The following NRXN3 variants were observed in gnomAD, a reference collection of about 807,000 sequenced individuals.
NRXN3 encodes the protein neurexin III.
A neutral mutation model predicts 137.6 loss-of-function variants in NRXN3; 32 were observed. That is an observed-to-expected ratio of 0.23 (90% CI 0.18 to 0.31). The LOEUF (loss-of-function observed/expected upper bound fraction) is 0.31, where lower values mean the gene tolerates loss of function less well. Among genes scored for constraint, NRXN3 ranks in the 10% least tolerant of loss-of-function variants. NRXN3 has a pLI of 1.00. For missense variants in NRXN3, 1,574 were observed against 2,062.5 expected, an observed-to-expected ratio of 0.76 and a Z score of 4.59; for synonymous variants, 798 against 784.5, an observed-to-expected ratio of 1.02 and a Z score of -0.29.
chr14:78,391,089 A>G lies in NRXN3; in HGVS notation c.757+93229A>G, dbSNP rs149072998. On this transcript the variant is annotated intron_variant, in intron 4 of 20. Transcript: ENST00000335750. ...AGGATAATGACTTCCAGCTTTATCC[A>G]TGTCCCTGCAAAGGACATGATCTCA... Among the ~76,000 whole-genome samples the G allele has an allele frequency of 7.9e-4, 120 of 152,310 alleles. 2 individuals carry two copies. Among genetic ancestry groups the G allele is most frequent in the African/African-American group, 2.7e-3 (114 of 41,578 alleles).
chr14:79,808,395 T>A (rs1456883595), intron 20 of NRXN3, among the ~76,000 whole-genome samples: 1 of 152,000 alleles, frequency 6.6e-6, no homozygotes. Context: ...CTACTGCCCA[T>A]GCAGCAACAG....
intron 19 of NRXN3, among the ~76,000 whole-genome samples, chr14:79,739,648 CAAA>C (rs72347811): frequency 0.021 from 662 of 31,732 alleles, 1 homozygote; most frequent in African/African-American, 0.073. Flanking sequence ...GACTCTGCCT[CAAA>C]AAAAAAAAAA....
At position 79,414,710 on chromosome 14, in the gene NRXN3, G is replaced by C. The variant is rs554142289; in HGVS notation, c.3263-52511G>C. Among the ~76,000 whole-genome samples the C allele has an allele frequency of 5.3e-5, 8 of 152,136 alleles. No individual in the cohort carries two copies. In the South Asian group the frequency reaches 1.7e-3, roughly 32 times the overall value. On this transcript the variant is annotated intron_variant, in intron 15 of 20. Transcript: ENST00000335750. ...ACATAGCTACCGTGTGTGTGTGTTT[G>C]TGTGTGTTAAGAATATTTCAGGTTC...
chr14:78,564,239 T>A (rs550292465), intron 4 of NRXN3, among the ~76,000 whole-genome samples: 1 of 152,310 alleles, frequency 6.6e-6, no homozygotes, highest in South Asian at 2.1e-4. Flanking sequence ...TGACTTAAAG[T>A]GAACATCTTT....
chr14:79,701,717 G>C (rs1246874170), intron 19 of NRXN3, among the ~76,000 whole-genome samples: 1 of 152,022 alleles, frequency 6.6e-6, no homozygotes, highest in Admixed American at 6.6e-5. Flanking sequence ...CCCAGTTTCA[G>C]AGGAGGAGAC....
chr14:79,746,422 T>C (rs1418969338), intron 19 of NRXN3, among the ~76,000 whole-genome samples: 2 of 152,142 alleles, frequency 1.3e-5, no homozygotes, highest in African/African-American at 4.8e-5. Flanking sequence ...GAATTCTTTT[T>C]GTATGAAATC....
At chr14:79,507,669 A>G (rs2096891168) in intron 16 of NRXN3, among the ~76,000 whole-genome samples, 1 of 152,130 alleles carries the variant, frequency 6.6e-6, no homozygotes, top group Admixed American at 6.5e-5. Flanking sequence ...GTCACTTTTC[A>G]ATTATCTTTG....
At chr14:78,410,970 G>A (rs1465330095) in intron 4 of NRXN3, among the ~76,000 whole-genome samples, 1 of 152,132 alleles carries the variant, frequency 6.6e-6, no homozygotes, top group East Asian at 1.9e-4. Flanking sequence ...TCTTAGCTGG[G>A]TGACCTTGGA....
chr14:79,166,225 A>G (rs1037536498), intron 15 of NRXN3, among the ~76,000 whole-genome samples: 2 of 151,980 alleles, frequency 1.3e-5, no homozygotes, highest in Non-Finnish European at 2.9e-5. Context: ...TTGGTGGGGT[A>G]AACACTGCCT....
At chr14:78,957,102 A>G (rs2099398266) in intron 10 of NRXN3, 140 bp from the exon 11 acceptor site, 1 of 860,970 alleles carries the variant, frequency 1.2e-6, no homozygotes, top group Non-Finnish European at 1.8e-6. Flanking sequence ...CTGGATCAGT[A>G]AAATTCGAAT....
At chr14:79,332,591 T>C (rs1175041552) in intron 15 of NRXN3, among the ~76,000 whole-genome samples, 1 of 152,216 alleles carries the variant, frequency 6.6e-6, no homozygotes, top group East Asian at 1.9e-4. Context: ...ATTCCTTCAA[T>C]GCATGCTATG....
At chr14:79,528,344 A>G (rs2097140177) in intron 16 of NRXN3, among the ~76,000 whole-genome samples, 1 of 152,168 alleles carries the variant, frequency 6.6e-6, no homozygotes, top group Non-Finnish European at 1.5e-5. Flanking sequence ...AAACTTTTTG[A>G]TGTTATAAAC....
intron 15 of NRXN3, among the ~76,000 whole-genome samples, chr14:79,013,013 G>T (rs2099573643): frequency 6.6e-6 from 1 of 152,112 alleles, no homozygotes; most frequent in Admixed American, 6.6e-5. Flanking sequence ...TGCCTGACTT[G>T]CTGTATTTGA....
chr14:79,025,730 G>A (rs901449466), intron 15 of NRXN3, among the ~76,000 whole-genome samples: 6 of 152,184 alleles, frequency 3.9e-5, no homozygotes, highest in Admixed American at 6.5e-5. Flanking sequence ...TTTCTTTGGC[G>A]ATGGGTGACT....
intron 10 of NRXN3, among the ~76,000 whole-genome samples, chr14:78,847,794 C>G (rs969501084): frequency 6.6e-6 from 1 of 152,030 alleles, no homozygotes. Flanking sequence ...AGTGCAACTA[C>G]GTTTTGGAGA....
At chr14:79,054,054 G>A (rs1001210576) in intron 15 of NRXN3, among the ~76,000 whole-genome samples, 5 of 149,064 alleles carry the variant, frequency 3.4e-5, no homozygotes, top group Non-Finnish European at 7.4e-5. Context: ...GCAAACTATC[G>A]CAAGGACAAA....
chr14:78,585,188 T>C (rs1328342732), intron 4 of NRXN3, among the ~76,000 whole-genome samples: 2 of 151,178 alleles, frequency 1.3e-5, no homozygotes, highest in Non-Finnish European at 2.9e-5. Context: ...GGCCTCAATG[T>C]TGAAGTAGTA....
chr14:78,546,530 A>G (rs1271867066), intron 4 of NRXN3, among the ~76,000 whole-genome samples: 1 of 152,126 alleles, frequency 6.6e-6, no homozygotes, highest in Non-Finnish European at 1.5e-5. Context: ...ACATCTTCTA[A>G]TTTCCAGTCT....
chr14:78,915,610 A>G (rs933672815), intron 10 of NRXN3, among the ~76,000 whole-genome samples: 11 of 152,116 alleles, frequency 7.2e-5, no homozygotes, highest in African/African-American at 2.7e-4. Context: ...CTGTAATGTG[A>G]TAGGCAGACA....
Sources: allele counts gnomAD v4.1 joint callset (sites outside exome capture counted in the v4.1 genomes callset), GRCh38; gene constraint gnomAD v4.1.1; transcripts MANE v1.5; gene names NCBI Gene and HGNC (gene_info 2026-07-23, HGNC 2026-07-21).